The following PCDHGB1 variants were observed in gnomAD, a reference collection of about 807,000 sequenced individuals.
PCDHGB1 encodes protocadherin gamma subfamily B, 1, also known as protocadherin gamma-B1.
A neutral mutation model predicts 56.6 loss-of-function variants in PCDHGB1; 34 were observed. The observed-to-expected ratio is 0.60, with a 90% CI of 0.46 to 0.80. The LOEUF is 0.80. Among genes scored for constraint, PCDHGB1 ranks in the 30% least tolerant of loss-of-function variants. The pLI is 0.00. For missense variants in PCDHGB1, 1,278 were observed against 1,204.6 expected, an observed-to-expected ratio of 1.06 and a Z score of -0.90; for synonymous variants, 561 against 505.9, an observed-to-expected ratio of 1.11 and a Z score of -1.46.
chr5:141,467,781 C>G (rs2099151581), intron 1 of PCDHGB1, among the ~76,000 whole-genome samples: 1 of 152,228 alleles, frequency 6.6e-6, no homozygotes, highest in East Asian at 1.9e-4. Context: ...ACCTCAGCCT[C>G]TCAAGTAGCT....
Position 141,501,330 on chromosome 5 carries a change from CA to C in PCDHGB1, c.2469-4062del, listed in dbSNP as rs1562200936. 1.8e-3 allele frequency among the ~76,000 whole-genome samples: 266 copies of C among 151,500 alleles called. 1 individual carries two copies. Among genetic ancestry groups the C allele is most frequent in the African/African-American group, 5.1e-3 (210 of 41,250 alleles). On this transcript the variant is annotated intron_variant, in intron 2 of 3. Transcript: ENST00000523390. ...ACACACACACACACACACACACACACACACCCCAAACTCAATAGGGCAAGAA... is the reference window on the plus strand; with the variant it reads ...ACACACACACACACACACACACACACCACCCCAAACTCAATAGGGCAAGAA...
rs1183309479 is a variant in PCDHGB1 at position 141,404,628 on chromosome 5, C to G, written c.2409+51959C>G. 1.9e-6 allele frequency: 3 copies of G among 1,614,100 alleles called. No homozygotes were observed. In the South Asian group the frequency reaches 3.3e-5, roughly 18 times the overall value. Reference sequence around the variant, plus strand: ...TTTGTTTTGGACCAGAATGACAATGCCCCAGAAATCCTGTACCCTGCCCTC... The same window carrying G: ...TTTGTTTTGGACCAGAATGACAATGGCCCAGAAATCCTGTACCCTGCCCTC... On this transcript the variant is annotated intron_variant, in intron 1 of 3. Transcript: ENST00000523390.
Position 141,490,618 on chromosome 5 carries a change from A to C in PCDHGB1, c.2410-4189A>C. The C allele has an allele frequency of 6.2e-7, 1 of 1,614,104 alleles. No homozygotes were observed. Among genetic ancestry groups the C allele is most frequent in the South Asian group, 1.1e-5 (1 of 91,080 alleles). ...ACCCCGCTTCAACCAGCAGCTTTAC[A>C]CTGCTTACATCCTAGAAAACCGGCC... On this transcript the variant is annotated intron_variant, in intron 1 of 3. Coordinates refer to ENST00000523390, the MANE Select transcript of PCDHGB1 (RefSeq NM_018922.3). This position sits in a 1 kb window ranked among gnomAD's most constrained non-coding sequence, Gnocchi z 5.4.
At chr5:141,389,755 T>C in intron 1 of PCDHGB1, 1 of 1,612,872 alleles carries the variant, frequency 6.2e-7, no homozygotes, top group African/African-American at 1.3e-5. Context: ...ACGGGCGAAG[T>C]GCGCACAGCG....
At chr5:141,410,849 C>CTTTTTTTTTTTTTTTTTTTCTT (rs2095436178) in intron 1 of PCDHGB1, 1 of 129,786 alleles carries the variant, frequency 7.7e-6, no homozygotes, top group Non-Finnish European at 1.3e-5. Context: ...TTGTCTTTGT[C>CTTTTTTTTTTTTTTTTTTTCTT]TTTTTTTTTT....
intron 1 of PCDHGB1, chr5:141,424,442 T>C (rs2096821583): frequency 6.6e-6 from 1 of 152,244 alleles, no homozygotes; most frequent in South Asian, 2.1e-4. Context: ...AATTGAATTA[T>C]TGAACTGGTA....
chr5:141,404,746 A>T (rs1219726027), intron 1 of PCDHGB1: 2 of 1,613,308 alleles, frequency 1.2e-6, no homozygotes, highest in Admixed American at 3.3e-5. Flanking sequence ...ACAGAGACTC[A>T]GGCCAGAATG....
rs140609729 is a variant in PCDHGB1 at position 141,372,233 on chromosome 5, G to A, written c.2409+19564G>A. On this transcript the variant is annotated intron_variant, in intron 1 of 3. Coordinates refer to ENST00000523390, the MANE Select transcript of PCDHGB1 (RefSeq NM_018922.3). ...CCTACCACATTGTGCAGGCCAGCGA[G>A]CCCGGGCTGTTCAGCCTGGGCCTGC... 2,947 of 1,613,368 alleles carry A rather than the reference G, an allele frequency of 1.8e-3. 7 individuals carry two copies. The highest frequency in any genetic ancestry group is 2.3e-3 in the Non-Finnish European group (2,745 of 1,179,836).
In PCDHGB1 at chr5:141,487,476, A is replaced by G; in HGVS notation, c.2410-7331A>G. Reference sequence around the variant, plus strand: ...ATCAAGTTTGTTGATGTGGGAGGCCACTCTCATGGCTGTACACCCTTGGCT... The same window carrying G: ...ATCAAGTTTGTTGATGTGGGAGGCCGCTCTCATGGCTGTACACCCTTGGCT... On this transcript the variant is annotated intron_variant, in intron 1 of 3. Transcript: ENST00000523390. The surrounding 1 kb of genome is among the most constrained non-coding windows in gnomAD (Gnocchi z 5.0). The G allele has an allele frequency of 6.2e-7, 1 of 1,614,004 alleles. No homozygotes were observed. Among genetic ancestry groups the G allele is most frequent in the Non-Finnish European group, 8.5e-7 (1 of 1,180,002 alleles).
At chr5:141,370,168 C>A (rs890245618) in intron 1 of PCDHGB1, 2 of 458,196 alleles carry the variant, frequency 4.4e-6, no homozygotes, top group South Asian at 1.2e-4. Flanking sequence ...GCAGCAGAGG[C>A]GCCGGGTGCC....
intron 2 of PCDHGB1, among the ~76,000 whole-genome samples, chr5:141,502,723 G>C (rs771399677): frequency 3.9e-5 from 6 of 152,124 alleles, no homozygotes; most frequent in Non-Finnish European, 8.8e-5. Flanking sequence ...TGATTACAAA[G>C]CGGTGATGTT....
At chr5:141,388,824 T>A in intron 1 of PCDHGB1, 1 of 1,613,960 alleles carries the variant, frequency 6.2e-7, no homozygotes, top group Non-Finnish European at 8.5e-7. Flanking sequence ...CAAAGAATAT[T>A]CCATAGTTTT....
intron 1 of PCDHGB1, chr5:141,405,594 C>G: frequency 1.7e-6 from 1 of 578,834 alleles, no homozygotes; most frequent in Non-Finnish European, 3.0e-6. Context: ...ACAGGCCTCC[C>G]AAGTAGAATA....
intron 1 of PCDHGB1, chr5:141,383,664 G>T (rs1486639863): frequency 6.2e-7 from 1 of 1,614,052 alleles, no homozygotes; most frequent in Non-Finnish European, 8.5e-7. Flanking sequence ...CCGAGAATGT[G>T]CCAGTGGGTA....
chr5:141,470,718 G>A (rs916720866), intron 1 of PCDHGB1, among the ~76,000 whole-genome samples: 2 of 152,022 alleles, frequency 1.3e-5, no homozygotes, highest in Non-Finnish European at 2.9e-5. Flanking sequence ...ATTTTTTTGA[G>A]TCAGGGTCTT....
Position 141,420,431 on chromosome 5 carries a change from A to G in PCDHGB1, c.2409+67762A>G, listed in dbSNP as rs183252328. 8.4e-5 allele frequency: 96 copies of G among 1,148,758 alleles called. No individual in the cohort carries two copies. In the African/African-American group the frequency reaches 1.3e-3, roughly 16 times the overall value. The allele number at this position is 1,148,758 out of a possible 1,614,324, so 71.2% of individuals were successfully genotyped here. Reference sequence around the variant, plus strand: ...TATCATTATTAAAACAAAAGTTTAAATTAAATGCCTCAGTCTTCCTACTAT... The same window carrying G: ...TATCATTATTAAAACAAAAGTTTAAGTTAAATGCCTCAGTCTTCCTACTAT... On this transcript the variant is annotated intron_variant, in intron 1 of 3. Transcript: ENST00000523390.
chr5:141,423,746 T>G, intron 1 of PCDHGB1: 2 of 384,794 alleles, frequency 5.2e-6, no homozygotes, highest in Non-Finnish European at 6.6e-6. Flanking sequence ...TTATGAAAAC[T>G]GTTTGGGGGG....
intron 1 of PCDHGB1, chr5:141,375,266 G>GA: frequency 1.9e-6 from 3 of 1,613,846 alleles, no homozygotes; most frequent in Non-Finnish European, 1.7e-6. Context: ...ATTTGAATTG[G>GA]AAAAATCAGT....
intron 1 of PCDHGB1, chr5:141,390,115 G>A: frequency 1.2e-6 from 2 of 1,614,036 alleles, no homozygotes; most frequent in Non-Finnish European, 1.7e-6. Flanking sequence ...TACAGCGAGG[G>A]GACTTTGCCT....
Sources: allele counts gnomAD v4.1 joint callset (sites outside exome capture counted in the v4.1 genomes callset), GRCh38; gene constraint gnomAD v4.1.1; non-coding constraint Gnocchi (gnomAD v3.1); transcripts MANE v1.5; gene names NCBI Gene and HGNC (gene_info 2026-07-23, HGNC 2026-07-21).